The following EHBP1 variants were observed in gnomAD, a reference collection of about 807,000 sequenced individuals.
The protein encoded by EHBP1 is EH domain-binding protein 1.
A neutral mutation model predicts 144.0 loss-of-function variants in EHBP1; 55 were observed. That is an observed-to-expected ratio of 0.38 (90% CI 0.31 to 0.48). EHBP1 has a LOEUF of 0.48. Among genes scored for constraint, EHBP1 ranks in the 20% least tolerant of loss-of-function variants. The probability of loss-of-function intolerance (pLI) is 0.98; values close to 1 mark genes in which losing one functional copy is unlikely to be tolerated. For missense variants in EHBP1, 1,200 were observed against 1,364.2 expected (o/e 0.88, Z 1.90); for synonymous variants, 469 against 472.7 (o/e 0.99, Z 0.10).
At chr2:62,698,050 A>C (rs866003443) in intron 1 of EHBP1, among the ~76,000 whole-genome samples, 7 of 152,232 alleles carry the variant, frequency 4.6e-5, no homozygotes, top group Non-Finnish European at 7.3e-5. Flanking sequence ...GGTAATTGTT[A>C]TCTTGTTCAG....
At chr2:62,935,011 T>C (rs1475146621) in intron 10 of EHBP1, among the ~76,000 whole-genome samples, 1 of 152,048 alleles carries the variant, frequency 6.6e-6, no homozygotes, top group Non-Finnish European at 1.5e-5. Context: ...CATTACAAAA[T>C]TGAGTCTTCT....
intron 9 of EHBP1, among the ~76,000 whole-genome samples, chr2:62,869,827 A>G (rs1228869396): frequency 7.9e-5 from 12 of 152,246 alleles, no homozygotes. Flanking sequence ...AAGAACAGCA[A>G]TCTTTAACTT....
intron 2 of EHBP1, among the ~76,000 whole-genome samples, chr2:62,722,353 G>A (rs915161541): frequency 6.6e-6 from 1 of 151,802 alleles, no homozygotes. Flanking sequence ...GGTTGGTCTC[G>A]ATCTCGTGAT....
At chr2:62,969,134 G>T (rs1469447437) in intron 14 of EHBP1, among the ~76,000 whole-genome samples, 1 of 152,078 alleles carries the variant, frequency 6.6e-6, no homozygotes, top group Non-Finnish European at 1.5e-5. Flanking sequence ...TTCTACTAAT[G>T]CAAATTGAAG....
At chr2:62,724,084 T>A (rs2036505618) in intron 2 of EHBP1, among the ~76,000 whole-genome samples, 1 of 152,210 alleles carries the variant, frequency 6.6e-6, no homozygotes. Context: ...TTGCTTACAC[T>A]CTCCCCATCT....
intron 10 of EHBP1, among the ~76,000 whole-genome samples, chr2:62,909,951 G>C (rs1270930186): frequency 2.0e-5 from 3 of 151,982 alleles, no homozygotes; most frequent in Non-Finnish European, 2.9e-5. Flanking sequence ...TAGAGACGGG[G>C]CTTCACCATG....
intron 1 of EHBP1, among the ~76,000 whole-genome samples, chr2:62,682,345 G>A (rs2033561064): frequency 6.6e-6 from 1 of 152,210 alleles, no homozygotes; most frequent in African/African-American, 2.4e-5. Context: ...GATTTAAGTG[G>A]TGATCGTTGT....
intron 2 of EHBP1, among the ~76,000 whole-genome samples, chr2:62,739,310 G>A (rs2038459125): frequency 6.6e-6 from 1 of 151,818 alleles, no homozygotes; most frequent in Non-Finnish European, 1.5e-5. Flanking sequence ...ACACACAATT[G>A]CAGTAATTAT....
intron 10 of EHBP1, among the ~76,000 whole-genome samples, chr2:62,902,952 G>T (rs1041739842): frequency 2.0e-5 from 3 of 152,112 alleles, no homozygotes; most frequent in Non-Finnish European, 4.4e-5. Flanking sequence ...CATGCTAAAT[G>T]TGCATTCTGG....
At chr2:62,680,588 A>G (rs1458650306) in intron 1 of EHBP1, among the ~76,000 whole-genome samples, 1 of 152,200 alleles carries the variant, frequency 6.6e-6, no homozygotes, top group East Asian at 1.9e-4. Context: ...TCAGTTTTGC[A>G]TAAAACAGGA....
chr2:62,955,755 C>A, intron 14 of EHBP1, 95 bp downstream of exon 14: 1 of 1,361,258 alleles, frequency 7.3e-7, no homozygotes, highest in South Asian at 1.5e-5. Context: ...TGTTATTTTT[C>A]TACGGACTGT....
intron 15 of EHBP1, among the ~76,000 whole-genome samples, chr2:62,982,292 T>A (rs1270391589): frequency 1.3e-5 from 2 of 152,246 alleles, no homozygotes; most frequent in Admixed American, 6.5e-5. Flanking sequence ...GTGCTGTCTG[T>A]CCCAGCTACT....
intron 1 of EHBP1, among the ~76,000 whole-genome samples, chr2:62,681,361 A>ATATATATATATATATATATATATAG (rs2033519955): frequency 6.9e-5 from 1 of 14,526 alleles, no homozygotes; most frequent in Non-Finnish European, 1.2e-4. Context: ...TATATATATA[A>ATATATATATATATATATATATATAG]TGTGTATATA....
chr2:63,019,352 C>T (rs1197982603), intron 19 of EHBP1, among the ~76,000 whole-genome samples: 1 of 152,170 alleles, frequency 6.6e-6, no homozygotes, highest in Admixed American at 6.5e-5. Context: ...AGTAAGATCC[C>T]AGCTAGAATC....
At chr2:62,905,058 T>G in intron 10 of EHBP1, among the ~76,000 whole-genome samples, 1 of 152,224 alleles carries the variant, frequency 6.6e-6, no homozygotes, top group East Asian at 1.9e-4. Context: ...ACCAGATTTC[T>G]TTCTATGAAG....
intron 2 of EHBP1, chr2:62,726,857 T>C (rs182467534): frequency 3.9e-5 from 6 of 152,186 alleles, no homozygotes; most frequent in Admixed American, 1.3e-4. Context: ...TTGTTCCCCA[T>C]GTGAGAACTA....
intron 7 of EHBP1, among the ~76,000 whole-genome samples, chr2:62,836,327 C>T (rs879748897): frequency 2.5e-4 from 36 of 141,434 alleles, no homozygotes; most frequent in Non-Finnish European, 5.2e-4. Flanking sequence ...ACATCCACAC[C>T]GAAAACCCAT....
intron 21 of EHBP1, chr2:63,043,971 TAAGCTGGTGTCCTG>T (rs2061804616): frequency 4.6e-5 from 6 of 131,586 alleles, no homozygotes; most frequent in African/African-American, 1.7e-4. Context: ...TTTTTTTTTT[TAAGCTGGTGTCCTG>T]TTTCCCTCTA....
In EHBP1 at chr2:63,037,556, A is replaced by C. The variant is rs1206609954; in HGVS notation, c.3125A>C (p.Glu1042Ala). Reference protein sequence around the residue: ...MDTGRNTEEEEAMMQEWFMLV... With the variant: ...MDTGRNTEEEAAMMQEWFMLV... ...ATAGGAAGGAACACAGAAGAAGAAG[A>C]AGCTATGATGCAGGAATGGTTTATG... The change falls in exon 20 of 23, where the codon GAA becomes GCA. Residue 1042 changes from glutamate (E) to alanine (A), a missense_variant. By Grantham distance (107) the Glu-to-Ala change is moderately radical. Transcript: ENST00000431489. 4 of 1,607,388 alleles carry C rather than the reference A, an allele frequency of 2.5e-6. No homozygotes were observed. Among genetic ancestry groups the C allele is most frequent in the Admixed American group, 1.7e-5 (1 of 59,294 alleles).
Sources: gnomAD v4.1 joint callset for allele counts (sites outside exome capture counted in the v4.1 genomes callset) on GRCh38, gnomAD v4.1.1 for gene constraint, MANE v1.5 for transcripts, NCBI Gene and HGNC (gene_info 2026-07-23, HGNC 2026-07-21) for gene names.